CRK: variants seen among roughly 807,000 people sequenced by gnomAD.
CRK encodes adapter molecule crk.
A neutral mutation model predicts 29.8 loss-of-function variants in CRK; 4 were observed. The ratio of observed to expected loss-of-function variants is 0.13; its 90% CI spans 0.07 to 0.31. The LOEUF (loss-of-function observed/expected upper bound fraction) is 0.31. Among genes scored for constraint, CRK ranks in the 10% least tolerant of loss-of-function variants. The pLI is 1.00. For synonymous variants in CRK, 153 were observed against 164.9 expected, an observed-to-expected ratio of 0.93 and a Z score of 0.55; for missense variants, 274 against 396.5, an observed-to-expected ratio of 0.69 and a Z score of 2.62.
intron 2 of CRK, among the ~76,000 whole-genome samples, chr17:1,433,646 G>A (rs2073864387): frequency 6.7e-6 from 1 of 149,658 alleles, no homozygotes. Flanking sequence ...AGCCTCCCGA[G>A]TAGCTGGAAT....
chr17:1,421,009 G>C lies in CRK; in HGVS notation c.*2504C>G, dbSNP rs1223284571. 1 of 152,078 alleles carries C rather than the reference G, an allele frequency of 6.6e-6. No individual in the cohort carries two copies. The highest frequency in any genetic ancestry group is 2.4e-5 in the African/African-American group (1 of 41,420). 9.4% of individuals were successfully genotyped at this position (152,078 alleles called of 1,614,324 possible). A position where few individuals can be genotyped will look rare whatever the true frequency, so the allele number is the denominator to read the frequency against. On this transcript the variant is annotated 3_prime_UTR_variant, in exon 3 of 3. Coordinates refer to ENST00000300574, the MANE Select transcript of CRK (RefSeq NM_016823.4). ...GTCAAATATTAGTATTCAAAAAATG[G>C]GATTTGCAGAAATGATTATATAAAA...
intron 2 of CRK, 68 bp from the exon 3 acceptor site, chr17:1,423,718 C>T: frequency 6.3e-7 from 1 of 1,589,268 alleles, no homozygotes; most frequent in South Asian, 1.1e-5. Context: ...ACTCCATTCT[C>T]TGGTTAGGCA....
At chr17:1,432,602 C>T (rs2073854551) in intron 2 of CRK, among the ~76,000 whole-genome samples, 1 of 151,082 alleles carries the variant, frequency 6.6e-6, no homozygotes, top group Admixed American at 6.6e-5. Flanking sequence ...ACGGTGAAAC[C>T]TCATCTCTAC....
At chr17:1,454,046 C>A (rs1025470646) in intron 1 of CRK, among the ~76,000 whole-genome samples, 2 of 151,624 alleles carry the variant, frequency 1.3e-5, no homozygotes, top group Non-Finnish European at 2.9e-5. Flanking sequence ...ACTAAAAATA[C>A]AAAAAATTAG....
chr17:1,431,338 GTTC>G (rs963588342), intron 2 of CRK, among the ~76,000 whole-genome samples: 1 of 152,156 alleles, frequency 6.6e-6, no homozygotes, highest in African/African-American at 2.4e-5. Flanking sequence ...AGTAAATGCA[GTTC>G]TTCCTCCAAT....
chr17:1,430,003 AATATACGGAGATG>A (rs2073822858), intron 2 of CRK, among the ~76,000 whole-genome samples: 1 of 152,008 alleles, frequency 6.6e-6, no homozygotes, highest in Non-Finnish European at 1.5e-5. Context: ...GACAGGTTCA[AATATACGGAGATG>A]AGATAATGGC....
intron 1 of CRK, among the ~76,000 whole-genome samples, chr17:1,446,915 A>C (rs2073979833): frequency 6.6e-6 from 1 of 152,140 alleles, no homozygotes; most frequent in Admixed American, 6.6e-5. Context: ...TTGTTTGGCA[A>C]TCCCAATAGA....
chr17:1,432,215 G>A (rs12945630), intron 2 of CRK, among the ~76,000 whole-genome samples: 20,762 of 152,118 alleles, frequency 0.14, 1,782 homozygotes, highest in African/African-American at 0.24. Context: ...TAGGCCAGGC[G>A]GGGTGGCTCA....
Position 1,431,178 on chromosome 17 carries a change from A to G in CRK, c.777+5442T>C, listed in dbSNP as rs2073841923. Among the ~76,000 whole-genome samples the G allele has an allele frequency of 2.0e-5, 3 of 152,298 alleles. 1 individual carries two copies. The highest frequency in any genetic ancestry group is 4.2e-4 in the South Asian group (2 of 4,816). On this transcript the variant is annotated intron_variant, in intron 2 of 2. Transcript: ENST00000300574. ...CTCCTGAGGTCCCAAAGGCACTATG[A>G]TGATATTTAGAGACCAGGTCTTCCT...
chr17:1,427,217 G>A (rs2073789136), intron 2 of CRK, among the ~76,000 whole-genome samples: 1 of 151,074 alleles, frequency 6.6e-6, no homozygotes, highest in South Asian at 2.1e-4. Context: ...CTTGAGCCTG[G>A]GAGTTTGAGC....
chr17:1,423,826 G>T (rs2073750631), intron 2 of CRK, among the ~76,000 whole-genome samples, 176 bp from the exon 3 acceptor site: 1 of 152,082 alleles, frequency 6.6e-6, no homozygotes, highest in South Asian at 2.1e-4. Flanking sequence ...GGTTAATGCA[G>T]GCAGAAGGAA....
At chr17:1,442,661 G>A (rs993056943) in intron 1 of CRK, among the ~76,000 whole-genome samples, 6 of 147,028 alleles carry the variant, frequency 4.1e-5, no homozygotes, top group Non-Finnish European at 7.4e-5. Context: ...AAGCTGGAGT[G>A]CAGTGGCTGG....
chr17:1,427,072 A>AAAAAAAAAAAAAAAAAG lies in CRK; in HGVS notation c.778-3423_778-3422insCTTTTTTTTTTTTTTTT, dbSNP rs778793991. Among the ~76,000 whole-genome samples, 17 of 92,074 alleles carry AAAAAAAAAAAAAAAAAG rather than the reference A, an allele frequency of 1.8e-4. 5 individuals carry two copies. The highest frequency in any genetic ancestry group is 3.3e-4 in the Non-Finnish European group (16 of 47,912). 60.4% of individuals were successfully genotyped at this position (92,074 alleles called of 152,430 possible). A position where few individuals can be genotyped will look rare whatever the true frequency, so the allele number is the denominator to read the frequency against. On this transcript the variant is annotated intron_variant, in intron 2 of 2. Coordinates refer to ENST00000300574, the MANE Select transcript of CRK (RefSeq NM_016823.4). ...AAAAAAAAAAAAAAAAAAAAAAAAAAGATTCTGACATGCCCCAGCCAGGCT... is the reference window on the plus strand; with the variant it reads ...AAAAAAAAAAAAAAAAAAAAAAAAAAAAAAAAAAAAAAAAAAGGATTCTGACATGCCCCAGCCAGGCT...
In CRK at chr17:1,450,315, T is replaced by G. The variant is rs188676793; in HGVS notation, c.241+5562A>C. The stretch of plus-strand genomic sequence containing the variant: ...CGAGGTCAGGAGCTCAAGACCATCC[T>G]GGCTAACACGGTGAAACACCTCTCT... On this transcript the variant is annotated intron_variant, in intron 1 of 2. Transcript: ENST00000300574. Among the ~76,000 whole-genome samples, 5 of 152,064 alleles carry G rather than the reference T, an allele frequency of 3.3e-5. No homozygotes were observed. The East Asian group carries it at 9.7e-4, about 30-fold the overall frequency.
intron 1 of CRK, among the ~76,000 whole-genome samples, chr17:1,455,625 G>A (rs1372099983): frequency 2.6e-5 from 4 of 151,732 alleles, no homozygotes; most frequent in African/African-American, 9.7e-5. Flanking sequence ...CCCACCCTGG[G>A]GCCGAAGCAG....
rs1267204398 is a variant in CRK, at chr17:1,437,032, C to G, written c.365G>C (p.Arg122Thr). Residue 122 changes from arginine to threonine, a missense_variant, in exon 2 of 3, where the codon AGG (arginine) becomes ACG (threonine). By Grantham distance (71) the Arg-to-Thr change is moderately conservative. Around this residue, in one of 3 missense-constraint regions of CRK, gnomAD observed 135 missense variants for 180.9 expected, o/e 0.75. Coordinates refer to ENST00000300574, the MANE Select transcript of CRK (RefSeq NM_016823.4). ...TTLIEPVSRS[R>T]QGSGVILRQE... ...CCTGAGAATCACTCCACTACCCTGC[C>G]TGGATCTGGAAACTGGTTCTATCAA... is the stretch of plus-strand genomic sequence containing the variant. The G allele has an allele frequency of 1.2e-6, 2 of 1,614,032 alleles. No individual in the cohort carries two copies. Among genetic ancestry groups the G allele is most frequent in the African/African-American group, 2.7e-5 (2 of 74,918 alleles).
chr17:1,430,482 G>A (rs1305496093), intron 2 of CRK, among the ~76,000 whole-genome samples: 8 of 150,926 alleles, frequency 5.3e-5, no homozygotes, highest in South Asian at 2.1e-4. Context: ...TCAGCCTCCC[G>A]AGTACCTGGG....
intron 1 of CRK, among the ~76,000 whole-genome samples, chr17:1,438,205 C>T (rs1168267155): frequency 6.6e-6 from 1 of 152,138 alleles, no homozygotes; most frequent in Non-Finnish European, 1.5e-5. Context: ...TCACAGCTTA[C>T]TGCAGCCTTG....
intron 2 of CRK, among the ~76,000 whole-genome samples, chr17:1,425,871 C>A (rs1384885929): frequency 6.6e-6 from 1 of 152,098 alleles, no homozygotes; most frequent in East Asian, 1.9e-4. Context: ...GATAGAGAGA[C>A]ACATAAGACA....
Sources: allele counts gnomAD v4.1 joint callset (sites outside exome capture counted in the v4.1 genomes callset), GRCh38; gene constraint gnomAD v4.1.1; regional missense constraint gnomAD v4.1.1; transcripts MANE v1.5; gene names NCBI Gene and HGNC (gene_info 2026-07-23, HGNC 2026-07-21).